The following VPS13B variants were observed in gnomAD, a reference collection of about 807,000 sequenced individuals.
VPS13B encodes intermembrane lipid transfer protein VPS13B.
A neutral mutation model predicts 426.4 loss-of-function variants in VPS13B; 285 were observed. That is an observed-to-expected ratio of 0.67 (90% CI 0.61 to 0.74). VPS13B has a LOEUF of 0.74. VPS13B is among the 30% of genes least tolerant of loss of function. VPS13B has a pLI of 0.00. For missense variants in VPS13B, 4,537 were observed against 4,782.6 expected, an observed-to-expected ratio of 0.95 and a Z score of 1.51; for synonymous variants, 1,676 against 1,676.4, an observed-to-expected ratio of 1.00 and a Z score of 0.01.
intron 3 of VPS13B, among the ~76,000 whole-genome samples, chr8:99,063,396 A>G (rs968310517): frequency 2.6e-5 from 4 of 152,370 alleles, no homozygotes; most frequent in African/African-American, 9.6e-5. Flanking sequence ...TAGTCTTAGC[A>G]AACGGCATAC....
chr8:99,875,713 GTTTC>G lies in VPS13B; in HGVS notation c.*51_*54del, dbSNP rs760390565. On this transcript the variant is annotated 3_prime_UTR_variant, in exon 62 of 62. Transcript: ENST00000357162. ...CCTGCTTGTGTGATTTAGTTTTTGG[GTTTC>G]TTTGAGACAGGGTCTCACTGCATTG... 1.9e-5 allele frequency: 31 copies of G among 1,613,214 alleles called. No homozygotes were observed. The highest frequency in any genetic ancestry group is 1.6e-4 in the African/African-American group (12 of 74,992).
At chr8:99,868,534 C>A in intron 59 of VPS13B, 69 bp downstream of exon 59, 1 of 1,542,650 alleles carries the variant, frequency 6.5e-7, no homozygotes, top group Non-Finnish European at 8.8e-7. Flanking sequence ...CCAAGGGTTC[C>A]CTAAGATAGT....
At chr8:99,236,966 G>A (rs1040704327) in intron 17 of VPS13B, among the ~76,000 whole-genome samples, 3 of 152,180 alleles carry the variant, frequency 2.0e-5, no homozygotes, top group African/African-American at 7.2e-5. Flanking sequence ...GAGGGACCTG[G>A]TGGAAAGTCT....
intron 40 of VPS13B, among the ~76,000 whole-genome samples, chr8:99,774,821 T>G (rs949852867): frequency 1.1e-4 from 16 of 152,248 alleles, no homozygotes; most frequent in African/African-American, 3.9e-4. Context: ...GAAAGTTACT[T>G]GGATTACTGT....
intron 29 of VPS13B, among the ~76,000 whole-genome samples, chr8:99,517,275 T>C (rs528333167): frequency 3.3e-5 from 5 of 152,334 alleles, no homozygotes; most frequent in African/African-American, 1.2e-4. Context: ...TTATATTATC[T>C]GACAGTTGCA....
intron 19 of VPS13B, among the ~76,000 whole-genome samples, chr8:99,295,231 TA>T (rs1819965769): frequency 6.6e-6 from 1 of 152,166 alleles, no homozygotes. Flanking sequence ...ATATGTATGA[TA>T]TTTTACTTAT....
chr8:99,751,921 T>C (rs1810415847), intron 39 of VPS13B, among the ~76,000 whole-genome samples: 3 of 152,320 alleles, frequency 2.0e-5, no homozygotes, highest in Admixed American at 2.0e-4. Flanking sequence ...CACAGGGAGT[T>C]GTATTATAGT....
At chr8:99,082,525 G>A (rs990397444) in intron 3 of VPS13B, among the ~76,000 whole-genome samples, 1 of 152,130 alleles carries the variant, frequency 6.6e-6, no homozygotes, top group African/African-American at 2.4e-5. Context: ...TTTTAGACGT[G>A]AAGTCCTTGC....
At chr8:99,736,884 T>A (rs1054749710) in intron 39 of VPS13B, among the ~76,000 whole-genome samples, 2 of 152,140 alleles carry the variant, frequency 1.3e-5, no homozygotes, top group African/African-American at 4.8e-5. Context: ...TAAAAACTGT[T>A]ACCATTCTTA....
At chr8:99,560,796 A>G (rs529453453) in intron 31 of VPS13B, among the ~76,000 whole-genome samples, 6 of 152,362 alleles carry the variant, frequency 3.9e-5, no homozygotes, top group African/African-American at 1.4e-4. Flanking sequence ...TCCAGCTTCA[A>G]GCCTTCCTAT....
rs188929611 is a variant in VPS13B at position 99,055,964 on chromosome 8, C to A, written c.291+17398C>A. Among the ~76,000 whole-genome samples, 10 of 140,448 alleles carry A rather than the reference C, an allele frequency of 7.1e-5. No individual in the cohort carries two copies. The East Asian group carries it at 2.1e-3, about 30-fold the overall frequency. 92.1% of individuals were successfully genotyped at this position (140,448 alleles called of 152,430 possible). A position where few individuals can be genotyped will look rare whatever the true frequency, so the allele number is the denominator to read the frequency against. ...GTATGTTGATCAGGCTGATCTCGAA[C>A]TTCTGGGCTCAAGTGATCTTCCCAC... is the stretch of plus-strand genomic sequence containing the variant. On this transcript the variant is annotated intron_variant, in intron 3 of 61. Transcript: ENST00000357162.
rs1812756685 is a variant in VPS13B at position 99,178,366 on chromosome 8, T to C, written c.2333+8203T>C. On this transcript the variant is annotated intron_variant, in intron 16 of 61. Coordinates refer to ENST00000357162, the MANE Select transcript of VPS13B (RefSeq NM_152564.5). The stretch of plus-strand genomic sequence containing the variant: ...CGGTTCCCATATTCAAAAGATCAGA[T>C]AGTGCTTAGGTTAGTGACAGAAGAA... 2.8e-5 allele frequency among the ~76,000 whole-genome samples: 4 copies of C among 142,104 alleles called. No homozygotes were observed. The South Asian group carries it at 9.0e-4, about 32-fold the overall frequency. The allele number at this position is 142,104 out of a possible 152,430, so 93.2% of individuals were successfully genotyped here.
intron 47 of VPS13B, 136 bp downstream of exon 47, chr8:99,819,024 T>C (rs1814212189): frequency 1.1e-6 from 1 of 884,506 alleles, no homozygotes; most frequent in Admixed American, 2.2e-5. Context: ...TATGATTTCT[T>C]ATCTTATGAG....
At chr8:99,371,012 C>A (rs977769469) in intron 19 of VPS13B, among the ~76,000 whole-genome samples, 1 of 152,048 alleles carries the variant, frequency 6.6e-6, no homozygotes, top group African/African-American at 2.4e-5. Context: ...AATCACAAAC[C>A]GCTTGAAATT....
At chr8:99,336,916 G>A (rs1326729941) in intron 19 of VPS13B, among the ~76,000 whole-genome samples, 1 of 151,972 alleles carries the variant, frequency 6.6e-6, no homozygotes, top group Non-Finnish European at 1.5e-5. Context: ...CTGTTGGTGG[G>A]ACTGTAAACT....
intron 17 of VPS13B, among the ~76,000 whole-genome samples, chr8:99,238,071 T>C (rs957584225): frequency 5.3e-5 from 8 of 152,128 alleles, no homozygotes; most frequent in African/African-American, 1.9e-4. Context: ...CCTGGAGTAC[T>C]TCAATTTACT....
chr8:99,722,854 A>T (rs893371827), intron 39 of VPS13B, among the ~76,000 whole-genome samples: 1 of 152,180 alleles, frequency 6.6e-6, no homozygotes, highest in African/African-American at 2.4e-5. Context: ...ATATCTGTAG[A>T]TTTTCAATCA....
At chr8:99,742,792 C>A (rs1182140892) in intron 39 of VPS13B, among the ~76,000 whole-genome samples, 1 of 152,150 alleles carries the variant, frequency 6.6e-6, no homozygotes, top group East Asian at 1.9e-4. Flanking sequence ...ACGCCAAAAA[C>A]TCTCAATAAA....
chr8:99,360,182 CTT>C (rs1409488707), intron 19 of VPS13B, among the ~76,000 whole-genome samples: 153 of 34,700 alleles, frequency 4.4e-3, no homozygotes, highest in South Asian at 8.6e-3. Context: ...TTCTTTCTTT[CTT>C]TCTTTCTCTC....
Sources: allele counts gnomAD v4.1 joint callset (sites outside exome capture counted in the v4.1 genomes callset), GRCh38; gene constraint gnomAD v4.1.1; transcripts MANE v1.5; gene names NCBI Gene and HGNC (gene_info 2026-07-23, HGNC 2026-07-21).